Variants in ZMIZ1 observed in about 807,000 individuals in gnomAD.
The protein encoded by ZMIZ1 is zinc finger MIZ domain-containing protein 1.
Under a neutral mutation model 113.9 loss-of-function variants are expected in ZMIZ1, and 17 were observed. The ratio of observed to expected loss-of-function variants is 0.15; its 90% CI spans 0.10 to 0.22. The LOEUF (loss-of-function observed/expected upper bound fraction) is 0.22, where lower values mean the gene tolerates loss of function less well. Ranked by LOEUF, ZMIZ1 falls within the 10% of genes least tolerant of loss-of-function variation. ZMIZ1 has a pLI of 1.00. For missense variants in ZMIZ1, 1,059 were observed against 1,477.8 expected, an observed-to-expected ratio of 0.72 and a Z score of 4.65; for synonymous variants, 607 against 603.1, an observed-to-expected ratio of 1.01 and a Z score of -0.09.
intron 4 of ZMIZ1, among the ~76,000 whole-genome samples, chr10:79,177,671 C>A (rs924148135): frequency 6.6e-6 from 1 of 152,254 alleles, no homozygotes; most frequent in African/African-American, 2.4e-5. Flanking sequence ...AGCACAGATG[C>A]TGCCTAACCC....
intron 4 of ZMIZ1, among the ~76,000 whole-genome samples, chr10:79,189,870 G>A (rs887649546): frequency 6.6e-6 from 1 of 152,222 alleles, no homozygotes; most frequent in Non-Finnish European, 1.5e-5. Flanking sequence ...TTTCAGGAAT[G>A]AGGGCCCTCT....
chr10:79,120,672 G>A (rs1564662684), intron 2 of ZMIZ1, among the ~76,000 whole-genome samples: 1 of 152,322 alleles, frequency 6.6e-6, no homozygotes, highest in East Asian at 1.9e-4. Context: ...CTGCTGTGTA[G>A]ATTGCCGAGA....
chr10:79,149,761 T>C (rs1351182991), intron 3 of ZMIZ1, among the ~76,000 whole-genome samples: 1 of 152,248 alleles, frequency 6.6e-6, no homozygotes, highest in Non-Finnish European at 1.5e-5. Flanking sequence ...CTTGGTTCAC[T>C]CTTCCTCTCA....
intron 7 of ZMIZ1, among the ~76,000 whole-genome samples, chr10:79,247,568 A>C (rs926768349): frequency 2.3e-4 from 35 of 152,182 alleles, no homozygotes; most frequent in African/African-American, 7.7e-4. Context: ...CCTTAGAGCC[A>C]CCCTGGGGCT....
At chr10:79,102,681 G>T (rs1240677314) in intron 1 of ZMIZ1, among the ~76,000 whole-genome samples, 2 of 152,238 alleles carry the variant, frequency 1.3e-5, no homozygotes, top group African/African-American at 2.4e-5. Flanking sequence ...GGGAAGCAGT[G>T]CTGGCCTAGC....
intron 2 of ZMIZ1, among the ~76,000 whole-genome samples, chr10:79,126,867 G>A (rs745562360): frequency 7.2e-5 from 11 of 152,120 alleles, no homozygotes; most frequent in Non-Finnish European, 1.0e-4. Context: ...CCAGCACCTC[G>A]GGGGCAGTTG....
At chr10:79,282,137 A>G (rs1055524310) in intron 8 of ZMIZ1, among the ~76,000 whole-genome samples, 6 of 152,244 alleles carry the variant, frequency 3.9e-5, no homozygotes, top group Admixed American at 2.6e-4. Context: ...GGAAACTGCA[A>G]CGGGGTCCAA....
chr10:79,232,853 G>A (rs1849446484), intron 7 of ZMIZ1, among the ~76,000 whole-genome samples: 1 of 152,140 alleles, frequency 6.6e-6, no homozygotes, highest in Admixed American at 6.5e-5. Flanking sequence ...GCCACTTTGA[G>A]CCTCCATTTC....
intron 4 of ZMIZ1, among the ~76,000 whole-genome samples, chr10:79,179,715 C>T (rs1421748878): frequency 1.3e-5 from 2 of 152,276 alleles, no homozygotes; most frequent in Non-Finnish European, 2.9e-5. Context: ...TGCCCTGCTC[C>T]ACACTCTAGC....
intron 6 of ZMIZ1, among the ~76,000 whole-genome samples, chr10:79,211,317 C>A (rs756689911): frequency 3.9e-5 from 6 of 152,114 alleles, no homozygotes; most frequent in Non-Finnish European, 7.4e-5. Context: ...GCCCTGTTGC[C>A]GGTGCCCCTG....
intron 2 of ZMIZ1, among the ~76,000 whole-genome samples, chr10:79,125,705 G>A (rs956356259): frequency 6.6e-6 from 1 of 152,184 alleles, no homozygotes; most frequent in Non-Finnish European, 1.5e-5. Context: ...GGCCACAAGC[G>A]TGACATCTTT....
At chr10:79,099,788 G>T (rs1161425044) in intron 1 of ZMIZ1, among the ~76,000 whole-genome samples, 1 of 152,196 alleles carries the variant, frequency 6.6e-6, no homozygotes. Context: ...AGGAGCGGGG[G>T]CTGGGTGAAG....
intron 3 of ZMIZ1, among the ~76,000 whole-genome samples, chr10:79,161,714 GC>G (rs1361564666): frequency 3.3e-5 from 5 of 152,232 alleles, no homozygotes; most frequent in Admixed American, 2.6e-4. Flanking sequence ...ACATCAGCAT[GC>G]TTGCTGAATG....
intron 1 of ZMIZ1, among the ~76,000 whole-genome samples, chr10:79,110,467 G>A (rs1482516813): frequency 6.6e-6 from 1 of 152,220 alleles, no homozygotes; most frequent in African/African-American, 2.4e-5. Flanking sequence ...CACCGAAGAA[G>A]AGTTCAAGCT....
intron 7 of ZMIZ1, among the ~76,000 whole-genome samples, chr10:79,218,970 G>T (rs1848852603): frequency 6.6e-6 from 1 of 151,914 alleles, no homozygotes; most frequent in African/African-American, 2.4e-5. Context: ...TGTCCTGAGA[G>T]TAATGGGAAC....
intron 1 of ZMIZ1, among the ~76,000 whole-genome samples, chr10:79,085,297 C>G (rs1842774127): frequency 6.6e-6 from 1 of 152,124 alleles, no homozygotes; most frequent in Non-Finnish European, 1.5e-5. Flanking sequence ...GGCTCAGCAC[C>G]AGTCACCAGG....
chr10:79,309,630 G>A (rs565183552), intron 23 of ZMIZ1, among the ~76,000 whole-genome samples: 2 of 152,352 alleles, frequency 1.3e-5, no homozygotes, highest in Admixed American at 6.5e-5. Context: ...CGTGGGCAGA[G>A]CCCGACCCAT....
At chr10:79,121,163 A>G (rs11002836) in intron 2 of ZMIZ1, among the ~76,000 whole-genome samples, 2 of 152,178 alleles carry the variant, frequency 1.3e-5, no homozygotes, top group Non-Finnish European at 2.9e-5. Flanking sequence ...AGATGTGAAC[A>G]TTTATGCTCT....
At chr10:79,237,667 C>T (rs913857080) in intron 7 of ZMIZ1, among the ~76,000 whole-genome samples, 1 of 152,220 alleles carries the variant, frequency 6.6e-6, no homozygotes, top group Non-Finnish European at 1.5e-5. Flanking sequence ...GATTAGGGCC[C>T]ACCCTAATGA....
Sources: gnomAD v4.1 joint callset for allele counts (sites outside exome capture counted in the v4.1 genomes callset) on GRCh38, gnomAD v4.1.1 for gene constraint, MANE v1.5 for transcripts, NCBI Gene and HGNC (gene_info 2026-07-23, HGNC 2026-07-21) for gene names.